PHYHIPL: variants seen among roughly 807,000 people sequenced by gnomAD.
PHYHIPL encodes the protein phytanoyl-CoA hydroxylase-interacting protein-like.
In PHYHIPL, 9 loss-of-function variants were observed where a neutral mutation model predicts 33.4. The ratio of observed to expected loss-of-function variants is 0.27; its 90% CI spans 0.16 to 0.47. The LOEUF (loss-of-function observed/expected upper bound fraction) is 0.47, where lower values mean the gene tolerates loss of function less well. Among genes scored for constraint, PHYHIPL ranks in the 20% least tolerant of loss-of-function variants. The probability of loss-of-function intolerance (pLI) is 0.99; values close to 1 mark genes in which losing one functional copy is unlikely to be tolerated. For synonymous variants in PHYHIPL, 153 were observed against 154.1 expected, an observed-to-expected ratio of 0.99 and a Z score of 0.05; for missense variants, 365 against 460.7, an observed-to-expected ratio of 0.79 and a Z score of 1.90.
At chr10:59,174,708 C>G (rs73294044), upstream of PHYHIPL, among the ~76,000 whole-genome samples, 2 of 152,080 alleles carry the variant, frequency 1.3e-5, no homozygotes, top group Non-Finnish European at 2.9e-5. Context: ...TATTTAAAGC[C>G]TTTTTAATAA....
intron 1 of PHYHIPL, among the ~76,000 whole-genome samples, chr10:59,207,456 G>T (rs1324647250): frequency 6.6e-6 from 1 of 152,180 alleles, no homozygotes; most frequent in African/African-American, 2.4e-5. Flanking sequence ...TCCCTCAGGT[G>T]TCTCTGCCAC....
chr10:59,246,795 A>G lies in PHYHIPL; in HGVS notation c.*1204A>G. Reference sequence around the variant, plus strand: ...TTCCCAATGAAAAAATAGTTATATCATCTTATAGTAAACCAAAAGATTAGC... The same window carrying G: ...TTCCCAATGAAAAAATAGTTATATCGTCTTATAGTAAACCAAAAGATTAGC... On this transcript the variant is annotated 3_prime_UTR_variant, in exon 5 of 5. Coordinates refer to ENST00000373880, the MANE Select transcript of PHYHIPL (RefSeq NM_032439.4). The G allele has an allele frequency of 2.5e-6, 1 of 392,314 alleles. No homozygotes were observed. Among genetic ancestry groups the G allele is most frequent in the Non-Finnish European group, 4.5e-6 (1 of 222,084 alleles). The allele number at this position is 392,314 out of a possible 1,614,324, so 24.3% of individuals were successfully genotyped here.
rs377551473 is a variant in PHYHIPL, at chr10:59,197,669, A to G, written c.106+20710A>G. ...CATCTTCTTCTATTCTGGCTGTGCT[A>G]CCATATTTATTGTCTTTGAGTCAAC... On this transcript the variant is annotated intron_variant, in intron 1 of 4. Coordinates refer to ENST00000373880, the MANE Select transcript of PHYHIPL (RefSeq NM_032439.4). Among the ~76,000 whole-genome samples the G allele has an allele frequency of 7.2e-5, 11 of 152,236 alleles. No homozygotes were observed. The South Asian group carries it at 1.5e-3, about 20-fold the overall frequency.
intron 1 of PHYHIPL, among the ~76,000 whole-genome samples, chr10:59,200,462 G>T (rs960783777): frequency 6.6e-5 from 10 of 152,070 alleles, no homozygotes; most frequent in Non-Finnish European, 1.2e-4. Flanking sequence ...GGTTTGCCAG[G>T]ATTTTATTTT....
At chr10:59,209,508 A>C (rs1050743139) in intron 1 of PHYHIPL, among the ~76,000 whole-genome samples, 5 of 152,196 alleles carry the variant, frequency 3.3e-5, no homozygotes, top group African/African-American at 1.2e-4. Flanking sequence ...TGCTATGAAG[A>C]AACTGCATCA....
At chr10:59,197,467 G>A (rs904566729) in intron 1 of PHYHIPL, among the ~76,000 whole-genome samples, 1 of 152,080 alleles carries the variant, frequency 6.6e-6, no homozygotes, top group Non-Finnish European at 1.5e-5. Context: ...ACCCTGTTGT[G>A]CAAAACTTCA....
At chr10:59,192,224 A>T in intron 1 of PHYHIPL, among the ~76,000 whole-genome samples, 4 of 152,294 alleles carry the variant, frequency 2.6e-5, no homozygotes, top group African/African-American at 9.6e-5. Flanking sequence ...CAGTTTAAAA[A>T]TAGTTTTAAA....
chr10:59,229,392 G>T (rs55775279), intron 1 of PHYHIPL, among the ~76,000 whole-genome samples: 14,208 of 152,076 alleles, frequency 0.093, 853 homozygotes, highest in South Asian at 0.2. Context: ...GTGTAATATG[G>T]CCCTAAATTA....
intron 3 of PHYHIPL, among the ~76,000 whole-genome samples, chr10:59,237,129 A>G (rs931794552): frequency 1.3e-5 from 2 of 151,490 alleles, no homozygotes; most frequent in Non-Finnish European, 3.0e-5. Context: ...TAGATTTTTC[A>G]CTGGAGTACT....
chr10:59,219,305 G>T (rs756143624), intron 1 of PHYHIPL: 12 of 791,218 alleles, frequency 1.5e-5, no homozygotes, highest in Non-Finnish European at 1.7e-5. Context: ...TATTCTTTAC[G>T]TAGTTTGATA....
intron 1 of PHYHIPL, chr10:59,177,534 A>G: frequency 6.4e-7 from 1 of 1,551,672 alleles, no homozygotes; most frequent in Non-Finnish European, 8.7e-7. Context: ...AAGGACAGAC[A>G]CAATCTTCAT....
At chr10:59,217,514 G>T (rs1023072228) in intron 1 of PHYHIPL, among the ~76,000 whole-genome samples, 11 of 151,640 alleles carry the variant, frequency 7.3e-5, no homozygotes, top group African/African-American at 2.2e-4. Context: ...TTCAAATAAA[G>T]ATTTGTACTT....
At chr10:59,213,905 G>A (rs546154591) in intron 1 of PHYHIPL, among the ~76,000 whole-genome samples, 1 of 152,204 alleles carries the variant, frequency 6.6e-6, no homozygotes, top group South Asian at 2.1e-4. Flanking sequence ...CTATGGGTAC[G>A]ACCACTAGTG....
rs571196153 is a variant in PHYHIPL at position 59,177,353 on chromosome 10, C to A, written c.106+394C>A. 4 of 947,802 alleles carry A rather than the reference C, an allele frequency of 4.2e-6. No individual in the cohort carries two copies. In the East Asian group the frequency reaches 8.2e-5, roughly 19 times the overall value. The allele number at this position is 947,802 out of a possible 1,614,324, so 58.7% of individuals were successfully genotyped here. ...TCGGGATGTTTCTAGCAACCCCCTTCCCCCAACACACACACACTAGTTGGC... is the reference window on the plus strand; with the variant it reads ...TCGGGATGTTTCTAGCAACCCCCTTACCCCAACACACACACACTAGTTGGC... On this transcript the variant is annotated intron_variant, in intron 1 of 4. Coordinates refer to ENST00000373880, the MANE Select transcript of PHYHIPL (RefSeq NM_032439.4).
chr10:59,221,096 A>G (rs1157180229), intron 1 of PHYHIPL, among the ~76,000 whole-genome samples: 4 of 152,024 alleles, frequency 2.6e-5, no homozygotes, highest in African/African-American at 9.7e-5. Context: ...TGCCTGGACT[A>G]GACTCTAATG....
Position 59,245,776 on chromosome 10 carries a change from C to T in PHYHIPL, c.*185C>T. ...TTTAGTGTTTTCCTATTCCCTACCC[C>T]TCCCACTACTTTCAATGATGAAATA... On this transcript the variant is annotated 3_prime_UTR_variant, in exon 5 of 5. Transcript: ENST00000373880. 3.4e-6 allele frequency: 2 copies of T among 585,532 alleles called. No individual in the cohort carries two copies. Among genetic ancestry groups the T allele is most frequent in the Non-Finnish European group, 5.8e-6 (2 of 346,398 alleles). 36.3% of individuals were successfully genotyped at this position (585,532 alleles called of 1,614,324 possible).
intron 1 of PHYHIPL, among the ~76,000 whole-genome samples, chr10:59,200,650 A>G (rs1199674156): frequency 2.6e-5 from 4 of 151,968 alleles, no homozygotes; most frequent in Non-Finnish European, 4.4e-5. Flanking sequence ...TCCTCCTTGT[A>G]CCTCTGGTAG....
intron 1 of PHYHIPL, chr10:59,183,754 G>A (rs1838480617): frequency 1.2e-6 from 1 of 842,020 alleles, no homozygotes; most frequent in Non-Finnish European, 1.4e-6. Context: ...GCCATGTAGT[G>A]GCTCATTTAA....
intron 4 of PHYHIPL, 71 bp from the exon 5 acceptor site, chr10:59,244,986 C>T: frequency 6.7e-7 from 1 of 1,484,454 alleles, no homozygotes; most frequent in Non-Finnish European, 9.0e-7. Context: ...GACTTTTAGG[C>T]CATTCAAATA....
Sources: allele counts gnomAD v4.1 joint callset (sites outside exome capture counted in the v4.1 genomes callset), GRCh38; gene constraint gnomAD v4.1.1; transcripts MANE v1.5; gene names NCBI Gene and HGNC (gene_info 2026-07-23, HGNC 2026-07-21).